EHBP1: variants seen among roughly 807,000 people sequenced by gnomAD.
The protein encoded by EHBP1 is EH domain binding protein 1.
In EHBP1, 55 loss-of-function variants were observed where a neutral mutation model predicts 144.0. The ratio of observed to expected loss-of-function variants is 0.38; its 90% CI spans 0.31 to 0.48. The LOEUF (loss-of-function observed/expected upper bound fraction) is 0.48. EHBP1 is among the 20% of genes least tolerant of loss of function. The pLI is 0.98. For synonymous variants in EHBP1, 469 were observed against 472.7 expected, an observed-to-expected ratio of 0.99 and a Z score of 0.10; for missense variants, 1,200 against 1,364.2, an observed-to-expected ratio of 0.88 and a Z score of 1.90.
At chr2:62,780,380 A>G (rs1008194137) in intron 5 of EHBP1, among the ~76,000 whole-genome samples, 3 of 152,120 alleles carry the variant, frequency 2.0e-5, no homozygotes, top group Non-Finnish European at 2.9e-5. Flanking sequence ...TAGGCGGGGT[A>G]TAATAGATAT....
chr2:62,817,504 G>A (rs542097747), intron 5 of EHBP1, among the ~76,000 whole-genome samples: 1 of 152,292 alleles, frequency 6.6e-6, no homozygotes, highest in African/African-American at 2.4e-5. Flanking sequence ...AAAGAGCAAA[G>A]TCAGGAAGGC....
intron 9 of EHBP1, among the ~76,000 whole-genome samples, chr2:62,869,531 T>G (rs1359300586): frequency 6.6e-6 from 1 of 152,182 alleles, no homozygotes; most frequent in Non-Finnish European, 1.5e-5. Flanking sequence ...CAGAAAATAC[T>G]ATACTGTGTG....
chr2:62,772,827 G>A (rs1020351121), intron 5 of EHBP1, among the ~76,000 whole-genome samples: 1 of 152,144 alleles, frequency 6.6e-6, no homozygotes, highest in Non-Finnish European at 1.5e-5. Context: ...CCTGACTTTG[G>A]TATGTATCTC....
chr2:62,722,565 C>A (rs964165553), intron 2 of EHBP1, among the ~76,000 whole-genome samples: 1 of 152,052 alleles, frequency 6.6e-6, no homozygotes, highest in East Asian at 1.9e-4. Context: ...TCCATTGATA[C>A]CAAAAGAAGA....
chr2:63,011,241 A>G (rs1182644373), intron 19 of EHBP1, among the ~76,000 whole-genome samples: 1 of 151,856 alleles, frequency 6.6e-6, no homozygotes, highest in African/African-American at 2.4e-5. Flanking sequence ...AAAAAAATCA[A>G]TCATTAATTT....
At position 62,864,819 on chromosome 2, in the gene EHBP1, A is replaced by T. The variant is rs766906756; in HGVS notation, c.846A>T (p.Pro282=). Residue 282 remains proline, a synonymous_variant, in exon 9 of 23, where the codon CCA becomes CCT. Transcript: ENST00000431489. ...SYNPFKEVQT[P]QYLNPFDEPE... ...ATCCCTTTAAAGAGGTGCAGACTCC[A>T]CAGTATTTGAACCCATTCGATGAGC... is the stretch of plus-strand genomic sequence containing the variant. The T allele has an allele frequency of 6.2e-7, 1 of 1,614,124 alleles. No homozygotes were observed. The highest frequency in any genetic ancestry group is 1.7e-5 in the Admixed American group (1 of 60,020).
intron 14 of EHBP1, among the ~76,000 whole-genome samples, chr2:62,976,122 G>A (rs931728225): frequency 6.6e-6 from 1 of 152,036 alleles, no homozygotes; most frequent in African/African-American, 2.4e-5. Flanking sequence ...TATTGGACTC[G>A]AATTTTCCTT....
chr2:62,723,091 A>C (rs1194510377), intron 2 of EHBP1, among the ~76,000 whole-genome samples: 7 of 152,192 alleles, frequency 4.6e-5, no homozygotes, highest in African/African-American at 1.7e-4. Flanking sequence ...GTGATCTAAT[A>C]CTGTCAGTGA....
chr2:62,871,620 A>G (rs2050491426), intron 9 of EHBP1, among the ~76,000 whole-genome samples: 1 of 152,234 alleles, frequency 6.6e-6, no homozygotes, highest in Non-Finnish European at 1.5e-5. Context: ...TCTTACTTCA[A>G]TAATAAACTT....
chr2:62,891,070 C>T (rs912008779), intron 10 of EHBP1, among the ~76,000 whole-genome samples: 5 of 149,598 alleles, frequency 3.3e-5, no homozygotes, highest in East Asian at 2.0e-4. Context: ...CCCAGCTACT[C>T]GGGAGGCTGA....
intron 14 of EHBP1, among the ~76,000 whole-genome samples, chr2:62,973,891 C>T (rs575098524): frequency 7.2e-5 from 11 of 151,992 alleles, no homozygotes; most frequent in Non-Finnish European, 1.5e-4. Context: ...CCCAGCTACT[C>T]GGGGTGGTGG....
chr2:62,981,870 TTC>T (rs1196331223), intron 15 of EHBP1, among the ~76,000 whole-genome samples: 1 of 152,174 alleles, frequency 6.6e-6, no homozygotes, highest in Non-Finnish European at 1.5e-5. Flanking sequence ...GGAGTCAGGT[TTC>T]TTATTCCTGA....
intron 7 of EHBP1, among the ~76,000 whole-genome samples, chr2:62,841,234 G>A (rs929771193): frequency 1.3e-4 from 20 of 151,104 alleles, no homozygotes; most frequent in African/African-American, 2.9e-4. Context: ...GTAAACTATC[G>A]CAAGATCAAA....
chr2:62,773,968 A>T (rs2041878807), intron 5 of EHBP1, among the ~76,000 whole-genome samples: 1 of 151,882 alleles, frequency 6.6e-6, no homozygotes, highest in Non-Finnish European at 1.5e-5. Flanking sequence ...GCAGTAAAAC[A>T]GCATGTGAAG....
chr2:62,763,917 T>C (rs1368948246), intron 3 of EHBP1, among the ~76,000 whole-genome samples: 1 of 152,144 alleles, frequency 6.6e-6, no homozygotes, highest in Non-Finnish European at 1.5e-5. Flanking sequence ...AAAATATCTC[T>C]TCTAATAAAA....
At chr2:62,743,481 ATCTT>A (rs1211573110) in intron 2 of EHBP1, among the ~76,000 whole-genome samples, 1 of 152,086 alleles carries the variant, frequency 6.6e-6, no homozygotes, top group East Asian at 1.9e-4. Context: ...CTTCCAGTGG[ATCTT>A]TCTTTCATCC....
intron 18 of EHBP1, 108 bp from the exon 19 acceptor site, chr2:62,996,535 A>G: frequency 7.2e-7 from 1 of 1,380,080 alleles, no homozygotes; most frequent in Non-Finnish European, 1.0e-6. Flanking sequence ...GGGTGATACT[A>G]ACGGTGTATT....
At chr2:63,005,931 A>T (rs979378894) in intron 19 of EHBP1, among the ~76,000 whole-genome samples, 34 of 152,026 alleles carry the variant, frequency 2.2e-4, no homozygotes, top group African/African-American at 8.0e-4. Flanking sequence ...ATTCATAATT[A>T]TTTGAGGTTT....
chr2:62,858,321 G>GTCTT (rs1391027871), intron 7 of EHBP1: 18 of 808,394 alleles, frequency 2.2e-5, no homozygotes, highest in Non-Finnish European at 3.2e-5. Context: ...TCTCCTCTTT[G>GTCTT]TCTTTTTGGG....
Sources: gnomAD v4.1 joint callset for allele counts (sites outside exome capture counted in the v4.1 genomes callset) on GRCh38, gnomAD v4.1.1 for gene constraint, MANE v1.5 for transcripts, NCBI Gene and HGNC (gene_info 2026-07-23, HGNC 2026-07-21) for gene names.